MVK: variants seen among roughly 807,000 people sequenced by gnomAD.
MVK encodes the protein mevalonate kinase.
Under a neutral mutation model 43.2 loss-of-function variants are expected in MVK, and 34 were observed. The observed-to-expected ratio is 0.79, with a 90% CI of 0.60 to 1.05. The LOEUF is 1.05. MVK is among the 50% of genes least tolerant of loss of function. The pLI, the probability that MVK is intolerant of heterozygous loss-of-function variation, is 0.00. For missense variants in MVK, 395 were observed against 504.0 expected (o/e 0.78, Z 2.07); for synonymous variants, 190 against 219.8 (o/e 0.86, Z 1.20).
rs1181671486 is a variant in MVK, at chr12:109,574,216, C to T, written c.-15+343C>T. Among the ~76,000 whole-genome samples, 4 of 152,204 alleles carry T rather than the reference C, an allele frequency of 2.6e-5. No individual in the cohort carries two copies. In the East Asian group the frequency reaches 7.7e-4, roughly 29 times the overall value. On this transcript the variant is annotated intron_variant, in intron 1 of 10. Coordinates refer to ENST00000228510, the MANE Select transcript of MVK (RefSeq NM_000431.4). ...ACACACCTATAGACCCTGCAAGCTC[C>T]TTTCTAGGACTCTGTCCTGCAGAAA...
At chr12:109,591,379 C>G in intron 9 of MVK, 22 bp downstream of exon 9, 1 of 1,606,970 alleles carries the variant, frequency 6.2e-7, no homozygotes, top group Non-Finnish European at 8.5e-7. Context: ...TCTGCAGGAA[C>G]CGGGGTTACT....
At chr12:109,594,041 G>A (rs572458293) in intron 9 of MVK, among the ~76,000 whole-genome samples, 16 of 151,738 alleles carry the variant, frequency 1.1e-4, no homozygotes, top group South Asian at 4.2e-4. Flanking sequence ...TTATGACCCC[G>A]GTTTACAAGC....
intron 7 of MVK, chr12:109,589,508 A>G (rs1885581731): frequency 6.6e-6 from 1 of 152,156 alleles, no homozygotes; most frequent in African/African-American, 2.4e-5. Context: ...GCGGCCTCCC[A>G]GAACGCTGCC....
chr12:109,582,247 A>G (rs1433233415), intron 5 of MVK, among the ~76,000 whole-genome samples: 1 of 152,144 alleles, frequency 6.6e-6, no homozygotes, highest in African/African-American at 2.4e-5. Flanking sequence ...GAGGCCCCCA[A>G]ATGCAGAGCT....
rs373095009 is a variant in MVK at position 109,576,038 on chromosome 12, G to A, written c.119G>A (p.Arg40Gln). The A allele has an allele frequency of 1.8e-5, 29 of 1,614,016 alleles. No individual in the cohort carries two copies. The highest frequency in any genetic ancestry group is 2.7e-5 in the African/African-American group (2 of 74,918). The change falls in exon 3 of 11, where the codon CGG (arginine) becomes CAG (glutamine). Residue 40 changes from arginine (R) to glutamine (Q), a missense_variant. Arg to Gln is a conservative substitution (Grantham distance 43). Coordinates refer to ENST00000228510, the MANE Select transcript of MVK (RefSeq NM_000431.4). The part of the protein sequence containing the change: ...AVSLNLRTFL[R>Q]LQPHSNGKVD... ...TCCTTGAACTTGAGAACATTCCTCC[G>A]GCTTCAACCCCACAGCAATGGGAAA... is the stretch of plus-strand genomic sequence containing the variant.
intron 5 of MVK, among the ~76,000 whole-genome samples, chr12:109,584,670 A>T (rs2136234038): frequency 6.6e-6 from 1 of 152,296 alleles, no homozygotes; most frequent in African/African-American, 2.4e-5. Flanking sequence ...AGATCGCTTC[A>T]GGTCAGGAGT....
In MVK at chr12:109,595,294, T is replaced by G; in HGVS notation, c.1039+113T>G. On this transcript the variant is annotated intron_variant, in intron 10 of 10. Transcript: ENST00000228510. This position sits in a 1 kb window ranked among gnomAD's most constrained non-coding sequence, Gnocchi z 5.9. ...CTGGAAACAGGTCTCAGCTCCGCTGTGTGGCCTTGGGCAAGTTAGTTAACC... is the reference window on the plus strand; with the variant it reads ...CTGGAAACAGGTCTCAGCTCCGCTGGGTGGCCTTGGGCAAGTTAGTTAACC... 1 of 1,401,080 alleles carries G rather than the reference T, an allele frequency of 7.1e-7. No individual in the cohort carries two copies. 86.8% of individuals were successfully genotyped at this position (1,401,080 alleles called of 1,614,324 possible). A position where few individuals can be genotyped will look rare whatever the true frequency, so the allele number is the denominator to read the frequency against.
At position 109,596,461 on chromosome 12, in the gene MVK, G is replaced by A; in HGVS notation, c.1075G>A (p.Ala359Thr). 6.2e-7 allele frequency: 1 copy of A among 1,613,586 alleles called. No individual in the cohort carries two copies. The highest frequency in any genetic ancestry group is 8.5e-7 in the Non-Finnish European group (1 of 1,179,938). ...EQPEVEATKQ[A>T]LTSCGFDCLE... Reference sequence around the variant, plus strand: ...GCCAGAAGTGGAGGCCACGAAGCAGGCCCTGACCAGCTGTGGCTTTGACTG... The same window carrying A: ...GCCAGAAGTGGAGGCCACGAAGCAGACCCTGACCAGCTGTGGCTTTGACTG... Residue 359 changes from alanine to threonine, a missense_variant, in exon 11 of 11, where the codon GCC (alanine) becomes ACC (threonine). Coordinates refer to ENST00000228510, the MANE Select transcript of MVK (RefSeq NM_000431.4).
rs1208430486 is a variant in MVK, at chr12:109,597,667, C to T, written c.*1090C>T. ...GCCTGGCACTCCCCACCCCCGCCCC[C>T]CACCGGCCCTATTTGAACTTTATAT... On this transcript the variant is annotated 3_prime_UTR_variant, in exon 11 of 11. Coordinates refer to ENST00000228510, the MANE Select transcript of MVK (RefSeq NM_000431.4). 5.9e-5 allele frequency: 9 copies of T among 152,302 alleles called. No individual in the cohort carries two copies. Among genetic ancestry groups the T allele is most frequent in the Admixed American group, 3.9e-4 (6 of 15,280 alleles). The allele number at this position is 152,302 out of a possible 1,614,324, so 9.4% of individuals were successfully genotyped here. A position where few individuals can be genotyped will look rare whatever the true frequency, so the allele number is the denominator to read the frequency against.
intron 5 of MVK, among the ~76,000 whole-genome samples, chr12:109,585,506 G>T (rs995974474): frequency 2.6e-5 from 4 of 152,180 alleles, no homozygotes; most frequent in African/African-American, 9.7e-5. Context: ...CAATGCAGGG[G>T]CCAGGTGCGG....
Position 109,581,527 on chromosome 12 carries a change from G to A in MVK, c.504G>A (p.Leu168=), listed in dbSNP as rs767075641. The change falls in exon 5 of 11, where the codon CTG becomes CTA. Residue 168 remains leucine, a synonymous_variant. Transcript: ENST00000228510. The part of the protein sequence containing the change: ...LTVCEEIPNP[L]KDGDCVNRWT... ...TGTGCGAGGAGATCCCAAACCCGCTGAAGGACGGGGATTGCGTCAACAGGT... is the reference window on the plus strand; with the variant it reads ...TGTGCGAGGAGATCCCAAACCCGCTAAAGGACGGGGATTGCGTCAACAGGT... 5.0e-6 allele frequency: 8 copies of A among 1,614,210 alleles called. No individual in the cohort carries two copies. The highest frequency in any genetic ancestry group is 6.8e-6 in the Non-Finnish European group (8 of 1,180,024).
intron 5 of MVK, among the ~76,000 whole-genome samples, chr12:109,583,896 C>T (rs1885331874): frequency 6.6e-6 from 1 of 152,228 alleles, no homozygotes; most frequent in Non-Finnish European, 1.5e-5. Flanking sequence ...GTCTGTTTTG[C>T]TCCCTACTAG....
chr12:109,584,289 C>T (rs1022534047), intron 5 of MVK, among the ~76,000 whole-genome samples: 5 of 152,084 alleles, frequency 3.3e-5, no homozygotes, highest in Non-Finnish European at 5.9e-5. Flanking sequence ...TTGCCAAGTC[C>T]GTAAAAATCC....
In MVK at chr12:109,595,661, G is replaced by A. The variant is rs1056406796; in HGVS notation, c.1039+480G>A. ...AAGCTCCCTGGTGCCTGGGGGCCTG[G>A]CAAGGGGCTTCTGCTAGTGTTTAAC... On this transcript the variant is annotated intron_variant, in intron 10 of 10. Coordinates refer to ENST00000228510, the MANE Select transcript of MVK (RefSeq NM_000431.4). This position sits in a 1 kb window ranked among gnomAD's most constrained non-coding sequence, Gnocchi z 5.9. Among the ~76,000 whole-genome samples the A allele has an allele frequency of 6.6e-5, 10 of 152,184 alleles. No individual in the cohort carries two copies. The highest frequency in any genetic ancestry group is 9.7e-5 in the African/African-American group (4 of 41,428).
intron 1 of MVK, among the ~76,000 whole-genome samples, 189 bp from the exon 2 acceptor site, chr12:109,574,620 G>A (rs771324017): frequency 5.3e-5 from 8 of 152,216 alleles, no homozygotes; most frequent in Admixed American, 3.3e-4. Context: ...GGAAGAGCTG[G>A]CATTTGAACC....
chr12:109,586,791 C>G lies in MVK; in HGVS notation c.669C>G (p.Ser223=). ...GATACCATCAAGGGAAGATTTCATCCTTAAAGAGGTAACCTGGGGGTGGAG... is the reference window on the plus strand; with the variant it reads ...GATACCATCAAGGGAAGATTTCATCGTTAAAGAGGTAACCTGGGGGTGGAG... ...ALRYHQGKIS[S]LKRSPALQIL... The change falls in exon 7 of 11, where the codon TCC becomes TCG. Residue 223 remains serine (S), a synonymous_variant. Transcript: ENST00000228510. The G allele has an allele frequency of 1.9e-6, 3 of 1,614,164 alleles. No homozygotes were observed. Among genetic ancestry groups the G allele is most frequent in the Non-Finnish European group, 2.5e-6 (3 of 1,180,004 alleles).
chr12:109,586,245 T>C (rs1885426758), intron 6 of MVK, 120 bp downstream of exon 6: 3 of 869,742 alleles, frequency 3.4e-6, no homozygotes, highest in Non-Finnish European at 5.6e-6. Flanking sequence ...CTGGAAAAAA[T>C]AGCATTTTCC....
chr12:109,577,365 T>G (rs1885003601), intron 3 of MVK, among the ~76,000 whole-genome samples: 2 of 152,154 alleles, frequency 1.3e-5, no homozygotes, highest in South Asian at 4.1e-4. Flanking sequence ...TGAGAATCTT[T>G]TTGGGTTTTT....
intron 3 of MVK, among the ~76,000 whole-genome samples, chr12:109,577,350 G>T (rs1306732860): frequency 6.6e-6 from 1 of 152,212 alleles, no homozygotes; most frequent in East Asian, 1.9e-4. Flanking sequence ...CCAGGATGGG[G>T]TAAATGAGAA....
Sources: allele counts gnomAD v4.1 joint callset (sites outside exome capture counted in the v4.1 genomes callset), GRCh38; gene constraint gnomAD v4.1.1; non-coding constraint Gnocchi (gnomAD v3.1); transcripts MANE v1.5; gene names NCBI Gene and HGNC (gene_info 2026-07-23, HGNC 2026-07-21).